Variants in PPARD observed in about 807,000 individuals in gnomAD.
PPARD encodes peroxisome proliferator-activated receptor delta.
A neutral mutation model predicts 39.5 loss-of-function variants in PPARD; 6 were observed. The observed-to-expected ratio is 0.15, with a 90% CI of 0.08 to 0.30. The LOEUF is 0.30. PPARD is among the 10% of genes least tolerant of loss of function. PPARD has a pLI of 1.00. For synonymous variants in PPARD, 210 were observed against 231.3 expected (o/e 0.91, Z 0.83); for missense variants, 397 against 596.8 (o/e 0.67, Z 3.49).
chr6:35,411,288 C>A, intron 3 of PPARD, 71 bp downstream of exon 3: 1 of 1,349,990 alleles, frequency 7.4e-7, no homozygotes, highest in South Asian at 2.2e-5. Context: ...TCCTGGCCCT[C>A]TGCAAACGCC....
At position 35,370,919 on chromosome 6, in the gene PPARD, G is replaced by T. The variant is rs1411443596; in HGVS notation, c.-102+23769G>T. 2.6e-5 allele frequency among the ~76,000 whole-genome samples: 4 copies of T among 152,174 alleles called. No individual in the cohort carries two copies. In the East Asian group the frequency reaches 7.7e-4, roughly 29 times the overall value. On this transcript the variant is annotated intron_variant, in intron 2 of 7. Coordinates refer to ENST00000360694, the MANE Select transcript of PPARD (RefSeq NM_006238.5). ...GCCCCAGAATTCACCTTCTCCAGCA[G>T]CTGGCTGCTCATTCTTTTCTTCTTC...
rs1230098654 is a variant in PPARD, at chr6:35,412,075, T to C, written c.130+858T>C. On this transcript the variant is annotated intron_variant, in intron 3 of 7. Transcript: ENST00000360694. The surrounding 1 kb of genome is among the most constrained non-coding windows in gnomAD (Gnocchi z 4.1). ...TCCCGAGTAGCTGGGATTATAGGCG[T>C]GCACCACCACGCCCGGCTAATTTTT... Among the ~76,000 whole-genome samples the C allele has an allele frequency of 6.6e-6, 1 of 152,072 alleles. No homozygotes were observed. Among genetic ancestry groups the C allele is most frequent in the Non-Finnish European group, 1.5e-5 (1 of 68,014 alleles).
chr6:35,345,313 T>A (rs1352664446), intron 1 of PPARD, among the ~76,000 whole-genome samples: 1 of 152,136 alleles, frequency 6.6e-6, no homozygotes, highest in Non-Finnish European at 1.5e-5. Context: ...TGACACAAGG[T>A]TTTGTTCTAT....
chr6:35,403,592 G>C lies in PPARD; in HGVS notation c.-101-7395G>C, dbSNP rs562972818. Among the ~76,000 whole-genome samples the C allele has an allele frequency of 1.1e-4, 16 of 152,294 alleles. 1 individual carries two copies. Among genetic ancestry groups the C allele is most frequent in the Admixed American group, 1.0e-3 (16 of 15,296 alleles). ...TATGTTGAGGACCCACTAAATGCCAGGCACCGTGCCAGGTGCTGGGACCTA... is the reference window on the plus strand; with the variant it reads ...TATGTTGAGGACCCACTAAATGCCACGCACCGTGCCAGGTGCTGGGACCTA... On this transcript the variant is annotated intron_variant, in intron 2 of 7. Transcript: ENST00000360694.
At chr6:35,380,313 C>G (rs558766793) in intron 2 of PPARD, among the ~76,000 whole-genome samples, 1 of 152,056 alleles carries the variant, frequency 6.6e-6, no homozygotes, top group East Asian at 1.9e-4. Context: ...AAATGGTTGC[C>G]GTGGTTCCAC....
rs146519796 is a variant in PPARD at position 35,351,625 on chromosome 6, T to G, written c.-102+4475T>G. Among the ~76,000 whole-genome samples, 785 of 152,224 alleles carry G rather than the reference T, an allele frequency of 5.2e-3. 5 individuals carry two copies. The highest frequency in any genetic ancestry group is 0.015 in the African/African-American group (617 of 41,538). The stretch of plus-strand genomic sequence containing the variant: ...TGGAGTGCAGTGGTGCAGTCATAGC[T>G]CACTTGCAGCCTCCAACTTCTGGGC... On this transcript the variant is annotated intron_variant, in intron 2 of 7. Transcript: ENST00000360694.
rs754464709 is a variant in PPARD, at chr6:35,397,852, G to A, written c.-101-13135G>A. Reference sequence around the variant, plus strand: ...CGCATATTTGAAATAGGGAAGCCAGGGAAGACCTCACTGAGATGGCCACAT... The same window carrying A: ...CGCATATTTGAAATAGGGAAGCCAGAGAAGACCTCACTGAGATGGCCACAT... On this transcript the variant is annotated intron_variant, in intron 2 of 7. Transcript: ENST00000360694. Among the ~76,000 whole-genome samples the A allele has an allele frequency of 4.9e-4, 74 of 152,200 alleles. 2 individuals carry two copies. The highest frequency in any genetic ancestry group is 1.6e-4 in the Non-Finnish European group (11 of 68,032).
rs1246463752 is a variant in PPARD, at chr6:35,427,429, T to C, written c.*1350T>C. Reference sequence around the variant, plus strand: ...CCAGCACCTGCTCCCAGTGGGAGCTTCCCGGGATAAACTGAGCCTGTTCAT... The same window carrying C: ...CCAGCACCTGCTCCCAGTGGGAGCTCCCCGGGATAAACTGAGCCTGTTCAT... On this transcript the variant is annotated 3_prime_UTR_variant, in exon 8 of 8. Transcript: ENST00000360694. The C allele has an allele frequency of 6.6e-6, 1 of 152,126 alleles. No homozygotes were observed. Among genetic ancestry groups the C allele is most frequent in the African/African-American group, 2.4e-5 (1 of 41,350 alleles). The allele number at this position is 152,126 out of a possible 1,614,324, so 9.4% of individuals were successfully genotyped here.
intron 2 of PPARD, among the ~76,000 whole-genome samples, chr6:35,370,673 T>C (rs1762438221): frequency 6.6e-6 from 1 of 152,130 alleles, no homozygotes; most frequent in Non-Finnish European, 1.5e-5. Flanking sequence ...CCCAGAGAAC[T>C]TGCCAGGGAT....
At chr6:35,398,446 G>A (rs898884331) in intron 2 of PPARD, among the ~76,000 whole-genome samples, 2 of 152,174 alleles carry the variant, frequency 1.3e-5, no homozygotes, top group East Asian at 1.9e-4. Context: ...TAAAGGGCTC[G>A]GTTTTGGATG....
rs184512940 is a variant in PPARD at position 35,359,577 on chromosome 6, C to A, written c.-102+12427C>A. 1.3e-4 allele frequency among the ~76,000 whole-genome samples: 20 copies of A among 152,210 alleles called. No homozygotes were observed. In the East Asian group the frequency reaches 3.7e-3, roughly 28 times the overall value. On this transcript the variant is annotated intron_variant, in intron 2 of 7. Coordinates refer to ENST00000360694, the MANE Select transcript of PPARD (RefSeq NM_006238.5). The stretch of plus-strand genomic sequence containing the variant: ...CAGCCCATGAGGAAGTCCAACCCCC[C>A]TGGCCCGCTGTTTCTTTCCATTTCA...
At chr6:35,397,723 A>T (rs929323995) in intron 2 of PPARD, 3 of 182,942 alleles carry the variant, frequency 1.6e-5, no homozygotes, top group African/African-American at 7.1e-5. Flanking sequence ...AGAGACAAGC[A>T]CTAAACAAAT....
At chr6:35,416,707 C>G (rs558290492) in intron 3 of PPARD, among the ~76,000 whole-genome samples, 51 of 152,278 alleles carry the variant, frequency 3.3e-4, no homozygotes, top group Middle Eastern at 3.4e-3. Flanking sequence ...AACCCAGCCC[C>G]TAGTATGAGA....
intron 2 of PPARD, among the ~76,000 whole-genome samples, chr6:35,388,598 A>G (rs906543314): frequency 6.6e-6 from 1 of 152,038 alleles, no homozygotes; most frequent in Non-Finnish European, 1.5e-5. Flanking sequence ...TGTAATCCCA[A>G]CTACTCAGGA....
chr6:35,373,871 A>G (rs902105323), intron 2 of PPARD, among the ~76,000 whole-genome samples: 1 of 152,020 alleles, frequency 6.6e-6, no homozygotes, highest in African/African-American at 2.4e-5. Context: ...GGATTTCACC[A>G]TGTTGCTCAG....
rs1762913750 is a variant in PPARD at position 35,377,983 on chromosome 6, C to T, written c.-102+30833C>T. 2.0e-5 allele frequency among the ~76,000 whole-genome samples: 3 copies of T among 151,594 alleles called. No homozygotes were observed. In the South Asian group the frequency reaches 6.2e-4, roughly 32 times the overall value. ...GGTTCAGGCCATTCTCTTGCCTCAG[C>T]CTCCCACGTAGCTGGGACTACAGGC... On this transcript the variant is annotated intron_variant, in intron 2 of 7. Coordinates refer to ENST00000360694, the MANE Select transcript of PPARD (RefSeq NM_006238.5).
chr6:35,408,521 G>A (rs555640278), intron 2 of PPARD, among the ~76,000 whole-genome samples: 5 of 152,306 alleles, frequency 3.3e-5, no homozygotes, highest in Admixed American at 1.3e-4. Flanking sequence ...ACCCAGGGGC[G>A]AGTGGTCAGG....
At chr6:35,388,352 C>T (rs983827773) in intron 2 of PPARD, among the ~76,000 whole-genome samples, 3 of 152,170 alleles carry the variant, frequency 2.0e-5, no homozygotes, top group Admixed American at 6.5e-5. Flanking sequence ...GTGGGCAGCA[C>T]GTGCCGCGGG....
At chr6:35,415,250 A>G (rs146874451) in intron 3 of PPARD, among the ~76,000 whole-genome samples, 2,685 of 152,344 alleles carry the variant, frequency 0.018, 35 homozygotes, top group Non-Finnish European at 0.029. Flanking sequence ...CAAACAGGAC[A>G]GCAGAAGTAA....
Sources: allele counts gnomAD v4.1 joint callset (sites outside exome capture counted in the v4.1 genomes callset), GRCh38; gene constraint gnomAD v4.1.1; non-coding constraint Gnocchi (gnomAD v3.1); transcripts MANE v1.5; gene names NCBI Gene and HGNC (gene_info 2026-07-23, HGNC 2026-07-21).